MTREX: variants seen among roughly 807,000 people sequenced by gnomAD.
MTREX encodes Mtr4 exosome RNA helicase, also known as exosome RNA helicase MTR4.
Under a neutral mutation model 135.4 loss-of-function variants are expected in MTREX, and 76 were observed. That is an observed-to-expected ratio of 0.56 (90% CI 0.47 to 0.68). MTREX has a LOEUF of 0.68. Among genes scored for constraint, MTREX ranks in the 30% least tolerant of loss-of-function variants. The probability of loss-of-function intolerance (pLI) is 0.00; values close to 1 mark genes in which losing one functional copy is unlikely to be tolerated. For missense variants in MTREX, 920 were observed against 1,262.1 expected (o/e 0.73, Z 4.11); for synonymous variants, 404 against 401.6 (o/e 1.01, Z -0.07).
intron 18 of MTREX, among the ~76,000 whole-genome samples, chr5:55,385,311 T>A (rs1037698004): frequency 6.6e-6 from 1 of 152,132 alleles, no homozygotes; most frequent in Non-Finnish European, 1.5e-5. Context: ...GGGGCCCTTT[T>A]TCTCAGGAGC....
At chr5:55,343,074 T>A (rs1036440162) in intron 7 of MTREX, among the ~76,000 whole-genome samples, 6 of 152,188 alleles carry the variant, frequency 3.9e-5, no homozygotes, top group Admixed American at 2.0e-4. Context: ...TTAGGTTGTT[T>A]GGAAAGATTA....
At chr5:55,394,620 AG>A (rs1750619314) in intron 19 of MTREX, among the ~76,000 whole-genome samples, 1 of 152,208 alleles carries the variant, frequency 6.6e-6, no homozygotes, top group Non-Finnish European at 1.5e-5. Context: ...GAGTTCAGGC[AG>A]TAATGCTCTC....
intron 26 of MTREX, chr5:55,423,726 G>C (rs762004243): frequency 6.6e-6 from 1 of 152,338 alleles, no homozygotes; most frequent in Non-Finnish European, 1.5e-5. Context: ...TAATGGAGTG[G>C]TGGTGGGGGG....
Position 55,378,371 on chromosome 5 carries a change from T to C in MTREX, c.1868T>C (p.Val623Ala). The C allele has an allele frequency of 6.2e-7, 1 of 1,609,988 alleles. No individual in the cohort carries two copies. Among genetic ancestry groups the C allele is most frequent in the Non-Finnish European group, 8.5e-7 (1 of 1,178,912 alleles). ...ATAGTAATTCCCAATGAAGAAAGTGTGGTTATCTATTATAAGATTAGACAG... is the reference window on the plus strand; with the variant it reads ...ATAGTAATTCCCAATGAAGAAAGTGCGGTTATCTATTATAAGATTAGACAG... ...NKIVIPNEES[V>A]VIYYKIRQQL... The change falls in exon 17 of 27, where the codon GTG (valine) becomes GCG (alanine). Residue 623 changes from valine to alanine, a missense_variant. Val to Ala is a moderately conservative substitution (Grantham distance 64, BLOSUM62 0). This residue lies in a region of MTREX where 467 missense variants were observed against 589.7 expected (regional missense o/e 0.79). Transcript: ENST00000230640.
chr5:55,395,385 G>A lies in MTREX; in HGVS notation c.2182-2031G>A, dbSNP rs146995398. Among the ~76,000 whole-genome samples the A allele has an allele frequency of 4.3e-3, 649 of 152,210 alleles. 2 individuals carry two copies. The highest frequency in any genetic ancestry group is 0.014 in the Middle Eastern group (4 of 294). The stretch of plus-strand genomic sequence containing the variant: ...CATGCCATTGCACTCCAGCCTGGGC[G>A]ACAGAGCAAGACTCTGTCTCAAAAA... On this transcript the variant is annotated intron_variant, in intron 19 of 26. Coordinates refer to ENST00000230640, the MANE Select transcript of MTREX (RefSeq NM_015360.5).
At chr5:55,343,583 G>A (rs987298362) in intron 8 of MTREX, 128 bp downstream of exon 8, 1 of 766,130 alleles carries the variant, frequency 1.3e-6, no homozygotes, top group Non-Finnish European at 2.0e-6. Flanking sequence ...ATGGTAAACT[G>A]CTTCTCAAAT....
chr5:55,415,934 C>CG, intron 24 of MTREX, 36 bp from the exon 25 acceptor site: 1 of 1,455,984 alleles, frequency 6.9e-7, no homozygotes, highest in South Asian at 1.3e-5. Flanking sequence ...TATGGGAGAT[C>CG]ATAAGTAAGG....
intron 26 of MTREX, chr5:55,423,912 A>G (rs1264990108): frequency 6.6e-6 from 1 of 152,230 alleles, no homozygotes; most frequent in East Asian, 1.9e-4. Flanking sequence ...CACAGTTGAT[A>G]AATGTAGGCC....
intron 18 of MTREX, among the ~76,000 whole-genome samples, chr5:55,383,955 G>C (rs966710664): frequency 2.0e-5 from 3 of 152,208 alleles, no homozygotes; most frequent in African/African-American, 2.4e-5. Flanking sequence ...AATTTTTGTA[G>C]AGACCAGGTC....
chr5:55,383,540 G>C (rs148666611), intron 18 of MTREX, among the ~76,000 whole-genome samples: 1 of 152,190 alleles, frequency 6.6e-6, no homozygotes, highest in East Asian at 1.9e-4. Flanking sequence ...TTTGCTGTTA[G>C]TCTTGTTGAA....
chr5:55,373,247 A>G (rs1328894102), intron 16 of MTREX, among the ~76,000 whole-genome samples: 1 of 151,548 alleles, frequency 6.6e-6, no homozygotes, highest in Non-Finnish European at 1.5e-5. Context: ...GGAGGAAGAA[A>G]TGTTATATAG....
intron 5 of MTREX, among the ~76,000 whole-genome samples, chr5:55,335,966 C>T (rs781628303): frequency 3.3e-5 from 5 of 152,072 alleles, no homozygotes; most frequent in South Asian, 2.1e-4. Context: ...AGGTCTTATA[C>T]GTGTTTTCTT....
chr5:55,349,127 T>C (rs963692005), intron 11 of MTREX, among the ~76,000 whole-genome samples: 1 of 152,218 alleles, frequency 6.6e-6, no homozygotes, highest in African/African-American at 2.4e-5. Flanking sequence ...GTAATTTTTA[T>C]CTACTTTCTG....
intron 1 of MTREX, among the ~76,000 whole-genome samples, chr5:55,309,977 AT>A (rs1749083322): frequency 6.6e-6 from 1 of 152,228 alleles, no homozygotes; most frequent in Non-Finnish European, 1.5e-5. Context: ...AGGAGGACCA[AT>A]TATTTTTATT....
Position 55,379,203 on chromosome 5 carries a change from A to C in MTREX, c.2052+8A>C. The stretch of plus-strand genomic sequence containing the variant: ...AAAAAGTCAAATGTTAAGGTAAACT[A>C]TTATCTTTAAATTAGAATTGTATAT... On this transcript the variant is annotated splice_region_variant and intron_variant, in intron 18 of 26. Transcript: ENST00000230640. The C allele has an allele frequency of 6.6e-7, 1 of 1,509,582 alleles. No individual in the cohort carries two copies. The highest frequency in any genetic ancestry group is 9.2e-7 in the Non-Finnish European group (1 of 1,088,780). The allele number at this position is 1,509,582 out of a possible 1,614,324, so 93.5% of individuals were successfully genotyped here.
In MTREX at chr5:55,397,413, T is replaced by A; in HGVS notation, c.2182-3T>A. The A allele has an allele frequency of 6.2e-7, 1 of 1,603,324 alleles. No individual in the cohort carries two copies. Among genetic ancestry groups the A allele is most frequent in the South Asian group, 1.1e-5 (1 of 89,598 alleles). Reference sequence around the variant, plus strand: ...GTAATACTGTATAACTTTTTGGTCATAGGTTGTCCCAGTTTTGGTGCATCT... The same window carrying A: ...GTAATACTGTATAACTTTTTGGTCAAAGGTTGTCCCAGTTTTGGTGCATCT... On this transcript the variant is annotated splice_polypyrimidine_tract_variant and splice_region_variant and intron_variant, in intron 19 of 26. Transcript: ENST00000230640.
intron 21 of MTREX, 164 bp from the exon 22 acceptor site, chr5:55,405,261 T>TA: frequency 1.9e-6 from 1 of 532,762 alleles, no homozygotes. Flanking sequence ...GGAATGTATC[T>TA]AAGAAGCTCC....
intron 23 of MTREX, among the ~76,000 whole-genome samples, chr5:55,411,181 G>C (rs1308562027): frequency 6.6e-6 from 1 of 152,158 alleles, no homozygotes; most frequent in Non-Finnish European, 1.5e-5. Context: ...AAAATGAAGT[G>C]CTGGGTGGAA....
intron 10 of MTREX, among the ~76,000 whole-genome samples, chr5:55,346,196 T>A (rs540834618): frequency 1.3e-5 from 2 of 152,334 alleles, no homozygotes; most frequent in Admixed American, 6.5e-5. Flanking sequence ...GGAGTGGAAT[T>A]GCTGCACCAT....
Sources: allele counts gnomAD v4.1 joint callset (sites outside exome capture counted in the v4.1 genomes callset), GRCh38; gene constraint gnomAD v4.1.1; regional missense constraint gnomAD v4.1.1; transcripts MANE v1.5; gene names NCBI Gene and HGNC (gene_info 2026-07-23, HGNC 2026-07-21).